The following NOL4 variants were observed in gnomAD, a reference collection of about 807,000 sequenced individuals.
The protein encoded by NOL4 is nucleolar protein 4.
In NOL4, 17 loss-of-function variants were observed where a neutral mutation model predicts 75.9. That is an observed-to-expected ratio of 0.22 (90% confidence interval 0.15 to 0.34). The LOEUF (loss-of-function observed/expected upper bound fraction) is 0.34, where lower values mean the gene tolerates loss of function less well. NOL4 is among the 10% of genes least tolerant of loss of function. The pLI, the probability that NOL4 is intolerant of heterozygous loss-of-function variation, is 1.00. For synonymous variants in NOL4, 292 were observed against 289.9 expected, an observed-to-expected ratio of 1.01 and a Z score of -0.07; for missense variants, 614 against 793.5, an observed-to-expected ratio of 0.77 and a Z score of 2.72.
intron 5 of NOL4, among the ~76,000 whole-genome samples, chr18:34,086,975 A>C (rs1385907461): frequency 6.6e-6 from 1 of 152,196 alleles, no homozygotes; most frequent in African/African-American, 2.4e-5. Flanking sequence ...TCCTCATTCA[A>C]AAAGTAACTC....
chr18:33,937,382 A>G (rs1194672185), intron 9 of NOL4, among the ~76,000 whole-genome samples: 4 of 152,132 alleles, frequency 2.6e-5, no homozygotes, highest in African/African-American at 4.8e-5. Flanking sequence ...CAAGCTTCAT[A>G]AACTCTGAAA....
At chr18:34,145,687 G>A (rs961005496) in intron 1 of NOL4, among the ~76,000 whole-genome samples, 1 of 150,506 alleles carries the variant, frequency 6.6e-6, no homozygotes, top group Admixed American at 6.6e-5. Context: ...ATTATCTCGG[G>A]GAAAAGAAAC....
chr18:34,169,432 G>A (rs371976302), intron 1 of NOL4, among the ~76,000 whole-genome samples: 119 of 147,182 alleles, frequency 8.1e-4, no homozygotes, highest in African/African-American at 2.9e-3. Context: ...GGAAAAAGAA[G>A]GTGAAAAAAA....
chr18:33,905,586 A>G (rs1414763361), intron 9 of NOL4, among the ~76,000 whole-genome samples: 1 of 152,136 alleles, frequency 6.6e-6, no homozygotes, highest in Non-Finnish European at 1.5e-5. Flanking sequence ...TTCTCAGTCT[A>G]TTGCCACTTC....
At chr18:33,947,277 T>C (rs1022548880) in intron 8 of NOL4, among the ~76,000 whole-genome samples, 1 of 151,754 alleles carries the variant, frequency 6.6e-6, no homozygotes, top group African/African-American at 2.4e-5. Context: ...CATCATTACA[T>C]TTGACAGTTG....
At chr18:33,982,802 G>A (rs991011030) in intron 6 of NOL4, among the ~76,000 whole-genome samples, 2 of 145,964 alleles carry the variant, frequency 1.4e-5, no homozygotes, top group Non-Finnish European at 1.5e-5. Context: ...CCAGGCTGGA[G>A]TGTAATGGTG....
chr18:34,024,188 A>ATATATATATATATATATATAT (rs1333196318), intron 5 of NOL4, among the ~76,000 whole-genome samples: 4 of 64,584 alleles, frequency 6.2e-5, no homozygotes, highest in Admixed American at 1.5e-4. Context: ...CAGGAAAAAA[A>ATATATATATATATATATATAT]AAAAAAATAT....
In NOL4 at chr18:34,130,014, C is replaced by G; in HGVS notation, c.271G>C (p.Val91Leu). ...AAAGATAGCTTCTCATCTACCCCTA[C>G]GCCATCCTGGAAACAAAACAACAAC... is the stretch of plus-strand genomic sequence containing the variant. ...LYVPVKTTDG[V>L]GVDEKLSLRR... Residue 91 changes from valine to leucine, a missense_variant, in exon 2 of 11, where the codon GTA (valine) becomes CTA (leucine). Around this residue, in one of 9 missense-constraint regions of NOL4, gnomAD observed 49 missense variants for 39.6 expected, o/e 1.24. Coordinates refer to ENST00000261592, the MANE Select transcript of NOL4 (RefSeq NM_003787.5). The G allele has an allele frequency of 6.4e-7, 1 of 1,558,204 alleles. No individual in the cohort carries two copies. The highest frequency in any genetic ancestry group is 8.7e-7 in the Non-Finnish European group (1 of 1,153,608).
chr18:34,055,337 T>C (rs891385100), intron 5 of NOL4, among the ~76,000 whole-genome samples: 2 of 152,146 alleles, frequency 1.3e-5, no homozygotes, highest in African/African-American at 4.8e-5. Context: ...TCTGATAAAA[T>C]CTTAAATTCC....
rs1253218027 is a variant in NOL4 at position 34,130,133 on chromosome 18, A to G, written c.265-113T>C. The G allele has an allele frequency of 1.5e-5, 15 of 988,876 alleles. No individual in the cohort carries two copies. In the Admixed American group the frequency reaches 6.0e-4, roughly 40 times the overall value. The allele number at this position is 988,876 out of a possible 1,614,324, so 61.3% of individuals were successfully genotyped here. A position where few individuals can be genotyped will look rare whatever the true frequency, so the allele number is the denominator to read the frequency against. Reference sequence around the variant, plus strand: ...TTATAACCTCAACAAAATCATCTATATAGGAAACGTCAAAAATTCATGAAT... The same window carrying G: ...TTATAACCTCAACAAAATCATCTATGTAGGAAACGTCAAAAATTCATGAAT... On this transcript the variant is annotated intron_variant, in intron 1 of 10. Transcript: ENST00000261592.
Position 33,852,792 on chromosome 18 carries a change from T to C in NOL4, c.*50A>G. On this transcript the variant is annotated 3_prime_UTR_variant, in exon 11 of 11. Transcript: ENST00000261592. Reference sequence around the variant, plus strand: ...TCTCTGTTGGGAAATCAAAATGTCATTAGTGGAAACTGCAAATTTAGACCT... The same window carrying C: ...TCTCTGTTGGGAAATCAAAATGTCACTAGTGGAAACTGCAAATTTAGACCT... The C allele has an allele frequency of 6.7e-7, 1 of 1,496,458 alleles. No individual in the cohort carries two copies. Among genetic ancestry groups the C allele is most frequent in the South Asian group, 1.2e-5 (1 of 81,754 alleles). 92.7% of individuals were successfully genotyped at this position (1,496,458 alleles called of 1,614,324 possible).
intron 9 of NOL4, among the ~76,000 whole-genome samples, chr18:33,918,807 G>C (rs901346219): frequency 1.3e-5 from 2 of 152,112 alleles, no homozygotes; most frequent in Non-Finnish European, 2.9e-5. Context: ...CGAAACTAAA[G>C]AGGTCTGACT....
chr18:33,938,652 G>C (rs186036207), intron 9 of NOL4, among the ~76,000 whole-genome samples: 5 of 152,200 alleles, frequency 3.3e-5, no homozygotes, highest in Non-Finnish European at 7.4e-5. Flanking sequence ...ATTTGTTTAA[G>C]TTCCTTGTAG....
chr18:33,914,828 T>A (rs1046391154), intron 9 of NOL4, among the ~76,000 whole-genome samples: 3 of 152,142 alleles, frequency 2.0e-5, no homozygotes, highest in Non-Finnish European at 4.4e-5. Context: ...TTATGTTTAC[T>A]CCATTTAACA....
chr18:34,223,049 C>T lies in NOL4; in HGVS notation c.205G>A (p.Glu69Lys). 1 of 1,613,794 alleles carries T rather than the reference C, an allele frequency of 6.2e-7. No homozygotes were observed. The highest frequency in any genetic ancestry group is 8.5e-7 in the Non-Finnish European group (1 of 1,180,044). The stretch of plus-strand genomic sequence containing the variant: ...GCGCCGCCGCCTCCCCCGCGGACCT[C>T]GTCCGGCTGGCCCAGCTGGAAGCCC... ...SKGFQLGQPD[E>K]VRGGGGGAKQ... Residue 69 changes from glutamate (E) to lysine (K), a missense_variant, in exon 1 of 11, where the codon GAG (glutamate) becomes AAG (lysine). Coordinates refer to ENST00000261592, the MANE Select transcript of NOL4 (RefSeq NM_003787.5).
intron 2 of NOL4, among the ~76,000 whole-genome samples, chr18:34,120,852 C>T (rs2080107379): frequency 6.6e-6 from 1 of 152,066 alleles, no homozygotes; most frequent in Non-Finnish European, 1.5e-5. Flanking sequence ...CATTCTAGGG[C>T]ACCATCAGAT....
intron 5 of NOL4, among the ~76,000 whole-genome samples, chr18:34,027,285 T>TGGAG (rs1183953898): frequency 6.6e-6 from 1 of 152,148 alleles, no homozygotes; most frequent in African/African-American, 2.4e-5. Context: ...GGTTGGAGAA[T>TGGAG]AGGTATTTGG....
intron 1 of NOL4, among the ~76,000 whole-genome samples, chr18:34,169,909 T>C (rs2032847481): frequency 6.6e-6 from 1 of 152,256 alleles, no homozygotes; most frequent in East Asian, 1.9e-4. Flanking sequence ...TGCACTAATA[T>C]ACAATTATTT....
At position 34,019,400 on chromosome 18, in the gene NOL4, T is replaced by C. The variant is rs1199476114; in HGVS notation, c.974A>G (p.Asn325Ser). 2 of 1,613,842 alleles carry C rather than the reference T, an allele frequency of 1.2e-6. No homozygotes were observed. ...LTSEYRIDDH[N>S]SNGKNKYKNL... ...CTTATACTTGTTTTTCCCATTACTG[T>C]TGTGATCATCTATTCTGTATTCCGA... Residue 325 changes from asparagine (N) to serine (S), a missense_variant, in exon 6 of 11, where the codon AAC becomes AGC. Physicochemically the swap from Asn to Ser is conservative, Grantham distance 46. Transcript: ENST00000261592.
Sources: allele counts gnomAD v4.1 joint callset (sites outside exome capture counted in the v4.1 genomes callset), GRCh38; gene constraint gnomAD v4.1.1; regional missense constraint gnomAD v4.1.1; transcripts MANE v1.5; gene names NCBI Gene and HGNC (gene_info 2026-07-23, HGNC 2026-07-21).